The following LIPF variants were observed in gnomAD, a reference collection of about 807,000 sequenced individuals.
The protein encoded by LIPF is lipase F, gastric type.
Under a neutral mutation model 38.0 loss-of-function variants are expected in LIPF, and 25 were observed. The observed-to-expected ratio is 0.66, with a 90% CI of 0.48 to 0.92. LIPF has a LOEUF of 0.92. LIPF is among the 40% of genes least tolerant of loss of function. The probability of loss-of-function intolerance (pLI) is 0.00; values close to 1 mark genes in which losing one functional copy is unlikely to be tolerated. For synonymous variants in LIPF, 161 were observed against 156.2 expected (o/e 1.03, Z -0.23); for missense variants, 410 against 469.9 (o/e 0.87, Z 1.18).
At chr10:88,676,928 A>T (rs548684208) in intron 9 of LIPF, among the ~76,000 whole-genome samples, 1 of 152,352 alleles carries the variant, frequency 6.6e-6, no homozygotes, top group East Asian at 1.9e-4. Context: ...GACAGGATTT[A>T]GTGCTATAAT....
At chr10:88,671,754 A>G in intron 5 of LIPF, 75 bp from the exon 6 acceptor site, 3 of 1,534,122 alleles carry the variant, frequency 2.0e-6, no homozygotes, top group Non-Finnish European at 2.6e-6. Context: ...ATAATGTCAC[A>G]CTTATAAAAA....
Position 88,673,571 on chromosome 10 carries a change from G to A in LIPF, c.670-17G>A. On this transcript the variant is annotated splice_polypyrimidine_tract_variant and intron_variant, in intron 6 of 9. Coordinates refer to ENST00000238983, the MANE Select transcript of LIPF (RefSeq NM_004190.4). ...GCTTGATTGCTACAACCCTCTAATA[G>A]TGCCTTTATTTTTCAGTTTATATTT... 1 of 1,598,508 alleles carries A rather than the reference G, an allele frequency of 6.3e-7. No individual in the cohort carries two copies. The highest frequency in any genetic ancestry group is 1.1e-5 in the South Asian group (1 of 88,964).
At chr10:88,668,832 A>G (rs17287028) in intron 4 of LIPF, 76 bp downstream of exon 4, 10 of 1,185,402 alleles carry the variant, frequency 8.4e-6, no homozygotes, top group Non-Finnish European at 1.2e-5. Flanking sequence ...ATCCAGTCCC[A>G]TTTTAACAAA....
In LIPF at chr10:88,671,971, C is replaced by T; in HGVS notation, c.669+6C>T. 1 of 1,603,236 alleles carries T rather than the reference C, an allele frequency of 6.2e-7. No homozygotes were observed. On this transcript the variant is annotated splice_donor_region_variant and intron_variant, in intron 6 of 9. Coordinates refer to ENST00000238983, the MANE Select transcript of LIPF (RefSeq NM_004190.4). ...TTCCTCAATCCCTCTTCAAGGTATG[C>T]AATTCTCTTTAATTAAGTGAATCTA...
At chr10:88,673,118 G>T (rs893055975) in intron 6 of LIPF, among the ~76,000 whole-genome samples, 20 of 152,168 alleles carry the variant, frequency 1.3e-4, no homozygotes, top group African/African-American at 3.9e-4. Flanking sequence ...CTCAAAGAGA[G>T]TTGGGGCAAA....
rs1841614119 is a variant in LIPF, at chr10:88,672,467, AGC to A, written c.669+503_669+504del. ...GGCTTTCCCTTTTGGCTTTCCTAAG[AGC>A]TCCTTCATCTTTAAATGGGCGATCT... On this transcript the variant is annotated intron_variant, in intron 6 of 9. Transcript: ENST00000238983. 3.3e-5 allele frequency among the ~76,000 whole-genome samples: 5 copies of A among 152,228 alleles called. No homozygotes were observed. The South Asian group carries it at 1.0e-3, about 32-fold the overall frequency.
chr10:88,678,607 T>C lies in LIPF; in HGVS notation c.1123T>C (p.Phe375Leu), dbSNP rs138339983. The change falls in exon 10 of 10, where the codon TTT becomes CTT. Residue 375 changes from phenylalanine (F) to leucine (L), a missense_variant. Transcript: ENST00000238983. The part of the protein sequence containing the change: ...KEIPFYNHLD[F>L]IWAMDAPQEV... ...GATTCCTTTTTACAATCACTTGGAC[T>C]TTATCTGGGCAATGGATGCCCCTCA... 4.3e-6 allele frequency: 7 copies of C among 1,613,928 alleles called. No homozygotes were observed. The highest frequency in any genetic ancestry group is 5.9e-6 in the Non-Finnish European group (7 of 1,179,894).
chr10:88,670,549 G>T (rs1016310148), intron 5 of LIPF, among the ~76,000 whole-genome samples: 1 of 152,114 alleles, frequency 6.6e-6, no homozygotes. Context: ...CTACCTAGTA[G>T]GCATCAGATG....
At chr10:88,665,486 C>T in intron 1 of LIPF, 2 of 1,464,174 alleles carry the variant, frequency 1.4e-6, no homozygotes, top group Non-Finnish European at 1.8e-6. Context: ...TAGGACTTGG[C>T]AACAAGCATT....
intron 9 of LIPF, among the ~76,000 whole-genome samples, chr10:88,677,936 C>T (rs1230479648): frequency 6.6e-6 from 1 of 152,190 alleles, no homozygotes; most frequent in African/African-American, 2.4e-5. Context: ...GACCTATCCC[C>T]TGACCATAAC....
At chr10:88,668,441 T>A (rs1263182959) in intron 3 of LIPF, 117 bp from the exon 4 acceptor site, 2 of 860,002 alleles carry the variant, frequency 2.3e-6, no homozygotes, top group East Asian at 5.3e-5. Flanking sequence ...TCAAAAATAA[T>A]CAACTCAATC....
chr10:88,671,779 A>G, intron 5 of LIPF, 50 bp from the exon 6 acceptor site: 3 of 1,561,062 alleles, frequency 1.9e-6, no homozygotes, highest in Non-Finnish European at 2.6e-6. Context: ...CAAAACAACA[A>G]CAACAACACA....
At chr10:88,676,086 G>A in intron 8 of LIPF, 123 bp from the exon 9 acceptor site, 3 of 599,774 alleles carry the variant, frequency 5.0e-6, no homozygotes, top group Middle Eastern at 4.6e-4. Flanking sequence ...ATAATCTTTT[G>A]GAATGAGAAA....
chr10:88,665,989 G>A (rs912658086), intron 1 of LIPF, among the ~76,000 whole-genome samples: 2 of 151,876 alleles, frequency 1.3e-5, no homozygotes, highest in African/African-American at 2.4e-5. Context: ...CGCCCGCCTC[G>A]GCCTCCCAAA....
rs1193697795 is a variant in LIPF at position 88,671,897 on chromosome 10, GT to G, written c.603del (p.Ala202ProfsTer3). On this transcript the variant is annotated frameshift_variant, in exon 6 of 10. Transcript: ENST00000238983. LOFTEE classifies it high-confidence loss of function. Reference sequence around the variant, plus strand: ...CAAAACCTTCTATGCTCTAGCTCCTGTTGCCACTGTGAAGTATACAAAAAGC... The same window carrying G: ...CAAAACCTTCTATGCTCTAGCTCCTGTGCCACTGTGAAGTATACAAAAAGC... ...RIKTFYALAPVATVKYTKSLI... is the reference protein window; with the variant it reads ...RIKTFYALAPXATVKYTKSLI... 1 of 1,613,496 alleles carries G rather than the reference GT, an allele frequency of 6.2e-7. No individual in the cohort carries two copies. Among genetic ancestry groups the G allele is most frequent in the Non-Finnish European group, 8.5e-7 (1 of 1,179,692 alleles).
At chr10:88,677,538 A>G (rs1006730537) in intron 9 of LIPF, among the ~76,000 whole-genome samples, 10 of 152,354 alleles carry the variant, frequency 6.6e-5, no homozygotes, top group African/African-American at 2.2e-4. Context: ...AATATTCTCC[A>G]CACACTCCCT....
intron 4 of LIPF, 86 bp from the exon 5 acceptor site, chr10:88,669,751 A>T: frequency 1.1e-6 from 1 of 934,100 alleles, no homozygotes; most frequent in Non-Finnish European, 1.7e-6. Flanking sequence ...TCTGTATCCC[A>T]AAGGGATCAT....
At position 88,675,647 on chromosome 10, in the gene LIPF, A is replaced by G; in HGVS notation, c.878A>G (p.His293Arg). 3 of 1,609,646 alleles carry G rather than the reference A, an allele frequency of 1.9e-6. No individual in the cohort carries two copies. Among genetic ancestry groups the G allele is most frequent in the Non-Finnish European group, 2.6e-6 (3 of 1,176,088 alleles). The change falls in exon 8 of 10, where the codon CAT becomes CGT. Residue 293 changes from histidine (H) to arginine (R), a missense_variant. By Grantham distance (29) the His-to-Arg change is conservative. Coordinates refer to ENST00000238983, the MANE Select transcript of LIPF (RefSeq NM_004190.4). ...GGAACTTCTGTTCAAAACATGTTCCATTGGACCCAGGTATTCTTTTCCAAA... is the reference window on the plus strand; with the variant it reads ...GGAACTTCTGTTCAAAACATGTTCCGTTGGACCCAGGTATTCTTTTCCAAA... The part of the protein sequence containing the change: ...PAGTSVQNMF[H>R]WTQAVKSGKF...
Position 88,671,916 on chromosome 10 carries a change from C to T in LIPF, c.620C>T (p.Thr207Ile). The T allele has an allele frequency of 6.2e-7, 1 of 1,613,236 alleles. No individual in the cohort carries two copies. The highest frequency in any genetic ancestry group is 8.5e-7 in the Non-Finnish European group (1 of 1,179,510). The change falls in exon 6 of 10, where the codon ACA (threonine) becomes ATA (isoleucine). Residue 207 changes from threonine (T) to isoleucine (I), a missense_variant. Transcript: ENST00000238983. Reference protein sequence around the residue: ...ALAPVATVKYTKSLINKLRFV... With the variant: ...ALAPVATVKYIKSLINKLRFV... ...GCTCCTGTTGCCACTGTGAAGTATA[C>T]AAAAAGCCTTATAAACAAACTTAGA...
Sources: gnomAD v4.1 joint callset for allele counts (sites outside exome capture counted in the v4.1 genomes callset) on GRCh38, gnomAD v4.1.1 for gene constraint, MANE v1.5 for transcripts, NCBI Gene and HGNC (gene_info 2026-07-23, HGNC 2026-07-21) for gene names.